ST8SIA6: variants seen among roughly 807,000 people sequenced by gnomAD.
The protein encoded by ST8SIA6 is alpha-2,8-sialyltransferase 8F.
Under a neutral mutation model 33.6 loss-of-function variants are expected in ST8SIA6, and 39 were observed. The observed-to-expected ratio is 1.16, with a 90% CI of 0.90 to 1.52. The LOEUF is 1.52. ST8SIA6 is among the 40% of genes most tolerant of loss of function. The pLI, the probability that ST8SIA6 is intolerant of heterozygous loss-of-function variation, is 0.00. For missense variants in ST8SIA6, 441 were observed against 443.8 expected, an observed-to-expected ratio of 0.99 and a Z score of 0.06; for synonymous variants, 172 against 167.2, an observed-to-expected ratio of 1.03 and a Z score of -0.22.
intron 7 of ST8SIA6, among the ~76,000 whole-genome samples, chr10:17,321,699 T>C (rs549837521): frequency 6.6e-6 from 1 of 152,244 alleles, no homozygotes; most frequent in Non-Finnish European, 1.5e-5. Flanking sequence ...TGATAAAATA[T>C]TTTTTCAAGC....
chr10:17,358,330 T>C (rs1166169330), intron 4 of ST8SIA6, among the ~76,000 whole-genome samples: 2 of 152,146 alleles, frequency 1.3e-5, no homozygotes, highest in Admixed American at 6.6e-5. Context: ...AGAGCCACTA[T>C]ATAAGGCAAA....
chr10:17,337,728 T>A (rs745834914), intron 4 of ST8SIA6, among the ~76,000 whole-genome samples: 4 of 152,190 alleles, frequency 2.6e-5, no homozygotes, highest in Non-Finnish European at 5.9e-5. Context: ...CAGAATCAGT[T>A]CTGATCTTGG....
At chr10:17,371,242 T>A (rs1849722329) in intron 3 of ST8SIA6, among the ~76,000 whole-genome samples, 1 of 152,154 alleles carries the variant, frequency 6.6e-6, no homozygotes, top group Admixed American at 6.5e-5. Flanking sequence ...GACATCAGTG[T>A]GAGACAGACT....
At chr10:17,340,933 C>A (rs985600426) in intron 4 of ST8SIA6, among the ~76,000 whole-genome samples, 4 of 152,206 alleles carry the variant, frequency 2.6e-5, no homozygotes, top group African/African-American at 7.2e-5. Context: ...CCAGTGACTG[C>A]TCTAGACACT....
intron 2 of ST8SIA6, among the ~76,000 whole-genome samples, chr10:17,425,267 A>G (rs2131713142): frequency 6.6e-6 from 1 of 152,286 alleles, no homozygotes; most frequent in South Asian, 2.1e-4. Context: ...GCAGACCACA[A>G]GACAAGGACT....
chr10:17,385,974 G>C (rs189877305), intron 3 of ST8SIA6, among the ~76,000 whole-genome samples: 215 of 152,206 alleles, frequency 1.4e-3, no homozygotes, highest in African/African-American at 4.9e-3. Flanking sequence ...CTTGCACCCA[G>C]GGTTTTGAGA....
chr10:17,454,115 G>T lies in ST8SIA6; in HGVS notation c.101+40C>A, dbSNP rs987638214. ...TGGGGGTCCGGGGGCGCCAGGCGGG[G>T]CGCGCGGCGCGGGGCGCGGCCGGCG... On this transcript the variant is annotated intron_variant, in intron 1 of 7. Transcript: ENST00000377602. This position sits in a 1 kb window ranked among gnomAD's most constrained non-coding sequence, Gnocchi z 4.1. The T allele has an allele frequency of 1.9e-5, 5 of 260,498 alleles. No homozygotes were observed. The highest frequency in any genetic ancestry group is 2.9e-5 in the Non-Finnish European group (4 of 139,208). The allele number at this position is 260,498 out of a possible 1,614,324, so 16.1% of individuals were successfully genotyped here. A position where few individuals can be genotyped will look rare whatever the true frequency, so the allele number is the denominator to read the frequency against.
At chr10:17,361,826 G>A (rs1472748341) in intron 3 of ST8SIA6, among the ~76,000 whole-genome samples, 3 of 151,900 alleles carry the variant, frequency 2.0e-5, no homozygotes, top group Admixed American at 6.6e-5. Flanking sequence ...ATAAAGCACT[G>A]TGACCTACTG....
chr10:17,432,092 A>G (rs1852119871), intron 2 of ST8SIA6, among the ~76,000 whole-genome samples: 1 of 152,170 alleles, frequency 6.6e-6, no homozygotes, highest in South Asian at 2.1e-4. Context: ...GGAAGAGAAC[A>G]CTGTTGGAGA....
chr10:17,425,272 A>G (rs1349232647), intron 2 of ST8SIA6, among the ~76,000 whole-genome samples: 4 of 152,174 alleles, frequency 2.6e-5, no homozygotes, highest in African/African-American at 9.7e-5. Context: ...CCACAAGACA[A>G]GGACTGAAAT....
chr10:17,423,718 T>C lies in ST8SIA6; in HGVS notation c.200+29841A>G, dbSNP rs866854783. 8.5e-5 allele frequency among the ~76,000 whole-genome samples: 13 copies of C among 152,322 alleles called. 1 individual carries two copies. The Middle Eastern group carries it at 0.017, about 199-fold the overall frequency. On this transcript the variant is annotated intron_variant, in intron 2 of 7. Transcript: ENST00000377602. ...ATGCCCCTCCCACCCCTTTGTACTCTGCACACCAAAATAGATCACTTGTTC... is the reference window on the plus strand; with the variant it reads ...ATGCCCCTCCCACCCCTTTGTACTCCGCACACCAAAATAGATCACTTGTTC...
At chr10:17,344,379 G>C (rs1848768415) in intron 4 of ST8SIA6, among the ~76,000 whole-genome samples, 1 of 152,206 alleles carries the variant, frequency 6.6e-6, no homozygotes, top group Non-Finnish European at 1.5e-5. Context: ...AGAAGGCCAG[G>C]AGGAGCAAAG....
intron 3 of ST8SIA6, among the ~76,000 whole-genome samples, chr10:17,383,236 C>T (rs1423997815): frequency 6.6e-6 from 1 of 151,982 alleles, no homozygotes; most frequent in African/African-American, 2.4e-5. Context: ...ATATGACAAA[C>T]TTTCTAAAAT....
At chr10:17,336,657 G>A (rs887026518) in intron 4 of ST8SIA6, among the ~76,000 whole-genome samples, 1 of 146,934 alleles carries the variant, frequency 6.8e-6, no homozygotes, top group Non-Finnish European at 1.5e-5. Context: ...GCAGTGGCCC[G>A]ATCTCAGCTC....
Position 17,319,071 on chromosome 10 carries a change from T to C in ST8SIA6, c.*1807A>G, listed in dbSNP as rs1189295865. Among the ~76,000 whole-genome samples the C allele has an allele frequency of 6.6e-6, 1 of 152,128 alleles. No homozygotes were observed. The highest frequency in any genetic ancestry group is 1.5e-5 in the Non-Finnish European group (1 of 68,014). Reference sequence around the variant, plus strand: ...AATGGCCAACAACCCCAATCTGCTGTGAAATCACAACTATAGACCCACTTG... The same window carrying C: ...AATGGCCAACAACCCCAATCTGCTGCGAAATCACAACTATAGACCCACTTG... On this transcript the variant is annotated 3_prime_UTR_variant, in exon 8 of 8. Coordinates refer to ENST00000377602, the MANE Select transcript of ST8SIA6 (RefSeq NM_001004470.3).
intron 2 of ST8SIA6, among the ~76,000 whole-genome samples, chr10:17,429,539 C>T (rs564451692): frequency 6.6e-6 from 1 of 152,172 alleles, no homozygotes; most frequent in Admixed American, 6.6e-5. Context: ...GTGTGTTTCT[C>T]CCTGTGTGCC....
At chr10:17,438,180 T>A (rs1252956721) in intron 2 of ST8SIA6, among the ~76,000 whole-genome samples, 1 of 152,186 alleles carries the variant, frequency 6.6e-6, no homozygotes, top group Non-Finnish European at 1.5e-5. Context: ...GATCTCCTGT[T>A]TAGAAAGGGT....
At chr10:17,385,959 G>A (rs557914733) in intron 3 of ST8SIA6, among the ~76,000 whole-genome samples, 1 of 152,220 alleles carries the variant, frequency 6.6e-6, no homozygotes, top group South Asian at 2.1e-4. Flanking sequence ...AAGGCAGGAG[G>A]ATCACTTGCA....
rs1853042160 is a variant in ST8SIA6 at position 17,454,365 on chromosome 10, C to T, written c.-110G>A. 6.3e-6 allele frequency: 1 copy of T among 158,980 alleles called. No individual in the cohort carries two copies. The highest frequency in any genetic ancestry group is 2.4e-5 in the African/African-American group (1 of 41,232). The allele number at this position is 158,980 out of a possible 1,614,324, so 9.8% of individuals were successfully genotyped here. Reference sequence around the variant, plus strand: ...CGCCACCGCCGCCGTGGCCGCAGCCCCGCGCACCCACAGCGTTCACAGGCG... The same window carrying T: ...CGCCACCGCCGCCGTGGCCGCAGCCTCGCGCACCCACAGCGTTCACAGGCG... On this transcript the variant is annotated 5_prime_UTR_variant, in exon 1 of 8. Coordinates refer to ENST00000377602, the MANE Select transcript of ST8SIA6 (RefSeq NM_001004470.3). The surrounding 1 kb of genome is among the most constrained non-coding windows in gnomAD (Gnocchi z 4.1).
Sources: allele counts gnomAD v4.1 joint callset (sites outside exome capture counted in the v4.1 genomes callset), GRCh38; gene constraint gnomAD v4.1.1; non-coding constraint Gnocchi (gnomAD v3.1); transcripts MANE v1.5; gene names NCBI Gene and HGNC (gene_info 2026-07-23, HGNC 2026-07-21).